The following IL20RA variants were observed in gnomAD, a reference collection of about 807,000 sequenced individuals.
IL20RA encodes interleukin-20 receptor subunit alpha.
Under a neutral mutation model 36.5 loss-of-function variants are expected in IL20RA, and 29 were observed. That is an observed-to-expected ratio of 0.79 (90% CI 0.59 to 1.08). The LOEUF is 1.08. Ranked by LOEUF, IL20RA falls within the 50% of genes least tolerant of loss-of-function variation. IL20RA has a pLI of 0.00. For synonymous variants in IL20RA, 279 were observed against 267.1 expected, an observed-to-expected ratio of 1.04 and a Z score of -0.43; for missense variants, 652 against 668.4, an observed-to-expected ratio of 0.98 and a Z score of 0.27.
At position 137,011,320 on chromosome 6, in the gene IL20RA, C is replaced by T. The variant is rs1209216688; in HGVS notation, c.357G>A (p.Lys119=). 1 of 1,613,688 alleles carries T rather than the reference C, an allele frequency of 6.2e-7. No homozygotes were observed. The highest frequency in any genetic ancestry group is 1.3e-5 in the African/African-American group (1 of 75,048). ...YAKVKAIWGT[K]CSKWAESGRF... ...GTCCACTTTCAGCCCATTTGGAACA[C>T]TTTGTTCCCCAAATGGCCTTAACTT... is the stretch of plus-strand genomic sequence containing the variant. The change falls in exon 3 of 7, where the codon AAG becomes AAA. Residue 119 remains lysine, a synonymous_variant. Transcript: ENST00000316649.
intron 1 of IL20RA, among the ~76,000 whole-genome samples, chr6:137,031,236 T>C (rs964014800): frequency 1.3e-5 from 2 of 152,192 alleles, no homozygotes; most frequent in African/African-American, 4.8e-5. Context: ...ATAAGTTACC[T>C]TTCAGCCTAT....
intron 1 of IL20RA, chr6:137,044,132 C>G (rs1421598506): frequency 1.0e-6 from 1 of 985,592 alleles, no homozygotes; most frequent in Non-Finnish European, 1.2e-6. Context: ...TCCTTCGGGG[C>G]TGACCCTTTC....
intron 1 of IL20RA, among the ~76,000 whole-genome samples, chr6:137,022,784 C>T (rs1775948504): frequency 6.6e-6 from 1 of 152,080 alleles, no homozygotes; most frequent in African/African-American, 2.4e-5. Flanking sequence ...AGAAGACAGC[C>T]ATGGGAAGAC....
intron 1 of IL20RA, chr6:137,042,933 A>C (rs890177009): frequency 6.6e-6 from 1 of 152,188 alleles, no homozygotes; most frequent in Non-Finnish European, 1.5e-5. Flanking sequence ...CCTTAGCCCA[A>C]AGACCCAGGA....
At chr6:137,031,663 A>C (rs947121132) in intron 1 of IL20RA, among the ~76,000 whole-genome samples, 1 of 152,226 alleles carries the variant, frequency 6.6e-6, no homozygotes, top group Admixed American at 6.5e-5. Flanking sequence ...ACTTCTGAGA[A>C]GGTATCCCCA....
Position 137,044,939 on chromosome 6 carries a change from C to G in IL20RA, c.-211G>C, listed in dbSNP as rs533475475. On this transcript the variant is annotated 5_prime_UTR_variant, in exon 1 of 7. Coordinates refer to ENST00000316649, the MANE Select transcript of IL20RA (RefSeq NM_014432.4). ...GCGAGCGACTCGCGGAGCCCCCACG[C>G]GCGCTCCCCCGGCTACCCAGCTGGA... 1 of 361,386 alleles carries G rather than the reference C, an allele frequency of 2.8e-6. No individual in the cohort carries two copies. Among genetic ancestry groups the G allele is most frequent in the African/African-American group, 2.1e-5 (1 of 46,832 alleles). The allele number at this position is 361,386 out of a possible 1,614,324, so 22.4% of individuals were successfully genotyped here.
chr6:137,004,676 C>T lies in IL20RA; in HGVS notation c.809G>A (p.Gly270Asp). The change falls in exon 6 of 7, where the codon GGC (glycine) becomes GAC (aspartate). Residue 270 changes from glycine (G) to aspartate (D), a missense_variant. Gly to Asp is a moderately conservative substitution (Grantham distance 94). Coordinates refer to ENST00000316649, the MANE Select transcript of IL20RA (RefSeq NM_014432.4). ...GTGGATATATCGGTAGATGGAATAG[C>T]CCATCACAGAAAAAAGAAACACGGT... ...SITVFLFSVM[G>D]YSIYRYIHVG... 6.2e-7 allele frequency: 1 copy of T among 1,612,122 alleles called. No homozygotes were observed. Among genetic ancestry groups the T allele is most frequent in the Non-Finnish European group, 8.5e-7 (1 of 1,179,488 alleles).
chr6:137,032,566 G>A (rs1422937368), intron 1 of IL20RA, among the ~76,000 whole-genome samples: 1 of 152,144 alleles, frequency 6.6e-6, no homozygotes, highest in South Asian at 2.1e-4. Flanking sequence ...TTTCTGTTTC[G>A]GTGGAAGCAT....
intron 1 of IL20RA, among the ~76,000 whole-genome samples, chr6:137,040,395 G>A (rs276510): frequency 0.25 from 38,393 of 151,270 alleles, 5,171 homozygotes; most frequent in South Asian, 0.35. Flanking sequence ...CAATAAGCAT[G>A]CCTCACACCC....
intron 1 of IL20RA, among the ~76,000 whole-genome samples, chr6:137,043,823 CTTTT>C (rs1776798485): frequency 6.6e-6 from 1 of 151,948 alleles, no homozygotes; most frequent in Non-Finnish European, 1.5e-5. Context: ...TCCCGGATAT[CTTTT>C]TTGTTTTTTT....
Position 137,001,808 on chromosome 6 carries a change from G to A in IL20RA, c.1412C>T (p.Pro471Leu), listed in dbSNP as rs771220779. 10 of 1,613,154 alleles carry A rather than the reference G, an allele frequency of 6.2e-6. No individual in the cohort carries two copies. The highest frequency in any genetic ancestry group is 2.2e-5 in the South Asian group (2 of 90,964). ...CAGGGTCGTCGATGGCTCTTCCTCC[G>A]GCCCCTCCTCCGAGTCTGTGTGCTC... Reference protein sequence around the residue: ...AQEHTDSEEGPEEEPSTTLVD... With the variant: ...AQEHTDSEEGLEEEPSTTLVD... Residue 471 changes from proline to leucine, a missense_variant, in exon 7 of 7, where the codon CCG becomes CTG. Transcript: ENST00000316649.
intron 1 of IL20RA, chr6:137,044,080 G>C (rs1240799476): frequency 1.0e-6 from 1 of 983,392 alleles, no homozygotes; most frequent in Non-Finnish European, 1.2e-6. Context: ...ACCCAGGACA[G>C]GGGGAGCTTA....
chr6:137,012,752 T>C (rs1582823013), intron 2 of IL20RA, among the ~76,000 whole-genome samples: 1 of 152,156 alleles, frequency 6.6e-6, no homozygotes, highest in East Asian at 1.9e-4. Context: ...AAAAATATCA[T>C]AAAGGTCAAG....
intron 1 of IL20RA, among the ~76,000 whole-genome samples, chr6:137,029,619 A>C (rs1298667085): frequency 6.6e-6 from 1 of 152,236 alleles, no homozygotes; most frequent in East Asian, 1.9e-4. Flanking sequence ...AGTAACTGGA[A>C]AAGTAGATTC....
At position 137,005,664 on chromosome 6, in the gene IL20RA, GT is replaced by G. The variant is rs111299390; in HGVS notation, c.725-905del. ...GAAGGTTTTTGTTGTTGTTGTTGTT[GT>G]TTTTTTTAATGGGAGTCTAACATTT... On this transcript the variant is annotated intron_variant, in intron 5 of 6. Coordinates refer to ENST00000316649, the MANE Select transcript of IL20RA (RefSeq NM_014432.4). 3.0e-3 allele frequency among the ~76,000 whole-genome samples: 462 copies of G among 151,972 alleles called. 1 individual carries two copies. The highest frequency in any genetic ancestry group is 0.01 in the African/African-American group (427 of 41,416).
chr6:137,004,426 T>C (rs1198136438), intron 6 of IL20RA, among the ~76,000 whole-genome samples, 195 bp downstream of exon 6: 1 of 152,146 alleles, frequency 6.6e-6, no homozygotes, highest in African/African-American at 2.4e-5. Context: ...TCCAACTGCC[T>C]CGGCCACCCA....
chr6:137,017,105 T>C lies in IL20RA; in HGVS notation c.89-2A>G. The C allele has an allele frequency of 6.2e-7, 1 of 1,610,616 alleles. No individual in the cohort carries two copies. Among genetic ancestry groups the C allele is most frequent in the Non-Finnish European group, 8.5e-7 (1 of 1,178,782 alleles). On this transcript the variant is annotated splice_acceptor_variant, in intron 1 of 6. Transcript: ENST00000316649. LOFTEE classifies it high-confidence loss of function. ...GCAAACCACCAGAGACACAGGGAAC[T>C]GAAAAAGGAGCAGAAAGGAATTGAG...
chr6:137,030,451 G>A (rs1249588246), intron 1 of IL20RA, among the ~76,000 whole-genome samples: 4 of 151,954 alleles, frequency 2.6e-5, no homozygotes, highest in African/African-American at 9.7e-5. Context: ...AAGGCTATTT[G>A]GCAAAGAATA....
chr6:137,006,953 G>A (rs1156750645), intron 5 of IL20RA, among the ~76,000 whole-genome samples: 1 of 152,022 alleles, frequency 6.6e-6, no homozygotes, highest in African/African-American at 2.4e-5. Flanking sequence ...TGAACTCCTG[G>A]GCTCAAGTGA....
Sources: allele counts gnomAD v4.1 joint callset (sites outside exome capture counted in the v4.1 genomes callset), GRCh38; gene constraint gnomAD v4.1.1; transcripts MANE v1.5; gene names NCBI Gene and HGNC (gene_info 2026-07-23, HGNC 2026-07-21).